SCN11A: variants seen among roughly 807,000 people sequenced by gnomAD.
The protein encoded by SCN11A is sodium channel protein type 11 subunit alpha.
A neutral mutation model predicts 162.2 loss-of-function variants in SCN11A; 122 were observed. That is an observed-to-expected ratio of 0.75 (90% CI 0.65 to 0.87). The LOEUF (loss-of-function observed/expected upper bound fraction) is 0.87. SCN11A is among the 40% of genes least tolerant of loss of function. The pLI is 0.00. For missense variants in SCN11A, 2,015 were observed against 2,181.6 expected (o/e 0.92, Z 1.52); for synonymous variants, 758 against 751.5 (o/e 1.01, Z -0.14).
At chr3:38,974,307 G>A (rs1559561535) in intron 2 of SCN11A, among the ~76,000 whole-genome samples, 1 of 152,056 alleles carries the variant, frequency 6.6e-6, no homozygotes, top group Non-Finnish European at 1.5e-5. Flanking sequence ...AAACTAAAAG[G>A]TAAATACAAC....
At chr3:39,037,501 A>C (rs1437874623) in intron 1 of SCN11A, among the ~76,000 whole-genome samples, 2 of 152,210 alleles carry the variant, frequency 1.3e-5, no homozygotes, top group African/African-American at 4.8e-5. Flanking sequence ...TTGTAACGCA[A>C]AGAAATATGA....
Position 38,850,343 on chromosome 3 carries a change from C to A in SCN11A, c.4327+138G>T, listed in dbSNP as rs529309042. ...TTCCCAGTAGAGAATGGCATTAGTA[C>A]CCCTGTCTATTCTTTCAGAAAGTAC... On this transcript the variant is annotated intron_variant, in intron 29 of 29. Transcript: ENST00000302328. 106 of 730,978 alleles carry A rather than the reference C, an allele frequency of 1.5e-4. 2 individuals carry two copies. The South Asian group carries it at 1.8e-3, about 12-fold the overall frequency. The allele number at this position is 730,978 out of a possible 1,614,324, so 45.3% of individuals were successfully genotyped here. A position where few individuals can be genotyped will look rare whatever the true frequency, so the allele number is the denominator to read the frequency against.
chr3:38,960,191 C>A (rs2066727139), intron 3 of SCN11A, among the ~76,000 whole-genome samples, 92 bp downstream of exon 3: 1 of 152,194 alleles, frequency 6.6e-6, no homozygotes, highest in Non-Finnish European at 1.5e-5. Context: ...GGCCTGTACT[C>A]TACCCTGATG....
At chr3:39,038,329 A>T (rs1211138016) in intron 1 of SCN11A, among the ~76,000 whole-genome samples, 1 of 152,344 alleles carries the variant, frequency 6.6e-6, no homozygotes, top group East Asian at 1.9e-4. Context: ...TTAACTATAG[A>T]AGTGAGTAAC....
At chr3:38,966,264 A>G (rs2066781472) in intron 2 of SCN11A, among the ~76,000 whole-genome samples, 1 of 152,232 alleles carries the variant, frequency 6.6e-6, no homozygotes, top group African/African-American at 2.4e-5. Flanking sequence ...ACTTCACTTT[A>G]GAGATCTGAA....
At position 38,886,179 on chromosome 3, in the gene SCN11A, T is replaced by A; in HGVS notation, c.2895A>T (p.Glu965Asp). ...GCTCATCTTCAGAGAACATGTCAAT[T>A]TCCACACTTTGAACTCTCTGGCTCG... ...KPTSQRVQSV[E>D]IDMFSEDEPH... The change falls in exon 20 of 30, where the codon GAA (glutamate) becomes GAT (aspartate). Residue 965 changes from glutamate to aspartate, a missense_variant. Physicochemically the swap from Glu to Asp is conservative, Grantham distance 45. Coordinates refer to ENST00000302328, the MANE Select transcript of SCN11A (RefSeq NM_001349253.2). The A allele has an allele frequency of 6.2e-7, 1 of 1,613,086 alleles. No homozygotes were observed. The highest frequency in any genetic ancestry group is 1.1e-5 in the South Asian group (1 of 91,006).
chr3:38,908,883 A>G, intron 13 of SCN11A, 114 bp downstream of exon 13: 1 of 818,568 alleles, frequency 1.2e-6, no homozygotes. Context: ...GCACCAGTAG[A>G]GAAAGCACTG....
At chr3:38,956,436 G>T (rs1243401448) in intron 3 of SCN11A, among the ~76,000 whole-genome samples, 5 of 152,158 alleles carry the variant, frequency 3.3e-5, no homozygotes, top group African/African-American at 9.7e-5. Context: ...TACTTCAAAA[G>T]TAATGGTTTA....
chr3:39,018,743 G>A (rs1452485272), intron 2 of SCN11A, among the ~76,000 whole-genome samples: 3 of 152,114 alleles, frequency 2.0e-5, no homozygotes, highest in Admixed American at 6.6e-5. Context: ...GCGTGAACCC[G>A]GGAGGCAGAG....
intron 2 of SCN11A, among the ~76,000 whole-genome samples, chr3:38,993,344 C>T (rs1196125598): frequency 6.6e-6 from 1 of 152,202 alleles, no homozygotes; most frequent in Non-Finnish European, 1.5e-5. Context: ...AAGCCAATCT[C>T]AAATGCCACT....
intron 2 of SCN11A, among the ~76,000 whole-genome samples, chr3:39,013,449 T>C (rs77700001): frequency 2.0e-5 from 3 of 151,888 alleles, no homozygotes; most frequent in Non-Finnish European, 4.4e-5. Context: ...TTTTTTTTTT[T>C]CCAGTCTCCC....
intron 2 of SCN11A, among the ~76,000 whole-genome samples, chr3:38,993,651 T>A (rs1297140895): frequency 6.6e-6 from 1 of 152,114 alleles, no homozygotes; most frequent in Non-Finnish European, 1.5e-5. Context: ...ATCTACACAT[T>A]CAAAGAAAGA....
intron 23 of SCN11A, among the ~76,000 whole-genome samples, chr3:38,878,468 C>T (rs146098468): frequency 9.2e-5 from 14 of 152,082 alleles, no homozygotes; most frequent in African/African-American, 2.9e-4. Context: ...GGCTTGTATC[C>T]GGTAAAACAG....
chr3:39,020,683 T>G (rs2031427973), intron 2 of SCN11A, among the ~76,000 whole-genome samples: 1 of 152,140 alleles, frequency 6.6e-6, no homozygotes, highest in African/African-American at 2.4e-5. Context: ...TGGATGGGCT[T>G]TTTCCTCTTC....
At chr3:38,955,936 T>C (rs112213451) in intron 3 of SCN11A, among the ~76,000 whole-genome samples, 20,881 of 152,216 alleles carry the variant, frequency 0.14, 1,672 homozygotes, top group East Asian at 0.24. Context: ...TGTATACCTA[T>C]GTAACAAACC....
intron 7 of SCN11A, among the ~76,000 whole-genome samples, chr3:38,932,736 A>G (rs2066263618): frequency 6.6e-6 from 1 of 152,224 alleles, no homozygotes. Flanking sequence ...AACTGGGTGG[A>G]GCCCACCACA....
At chr3:38,914,147 T>C (rs112585550) in intron 11 of SCN11A, among the ~76,000 whole-genome samples, 1,854 of 152,284 alleles carry the variant, frequency 0.012, 38 homozygotes, top group African/African-American at 0.042. Flanking sequence ...CTTCCATTTG[T>C]TTGTGTCATT....
chr3:38,958,669 C>A (rs2066711267), intron 3 of SCN11A, among the ~76,000 whole-genome samples: 1 of 152,114 alleles, frequency 6.6e-6, no homozygotes, highest in Non-Finnish European at 1.5e-5. Context: ...GTCTTTTTGT[C>A]CATATATTTC....
chr3:39,021,735 TTTC>T (rs2031458102), intron 2 of SCN11A, among the ~76,000 whole-genome samples: 1 of 152,204 alleles, frequency 6.6e-6, no homozygotes, highest in Non-Finnish European at 1.5e-5. Flanking sequence ...TTCTTAACTG[TTTC>T]TTTTTTCCAC....
Sources: allele counts gnomAD v4.1 joint callset (sites outside exome capture counted in the v4.1 genomes callset), GRCh38; gene constraint gnomAD v4.1.1; transcripts MANE v1.5; gene names NCBI Gene and HGNC (gene_info 2026-07-23, HGNC 2026-07-21).